The following HABP4 variants were observed in gnomAD, a reference collection of about 807,000 sequenced individuals.
HABP4 encodes hyaluronan binding protein 4.
In HABP4, 32 loss-of-function variants were observed where a neutral mutation model predicts 44.1. The observed-to-expected ratio is 0.73, with a 90% CI of 0.55 to 0.97. The LOEUF is 0.97. Ranked by LOEUF, HABP4 falls within the 50% of genes least tolerant of loss-of-function variation. The pLI is 0.00. For synonymous variants in HABP4, 216 were observed against 218.0 expected, an observed-to-expected ratio of 0.99 and a Z score of 0.08; for missense variants, 503 against 561.9, an observed-to-expected ratio of 0.90 and a Z score of 1.06.
At chr9:96,475,856 C>T (rs1587684502) in intron 5 of HABP4, among the ~76,000 whole-genome samples, 1 of 152,136 alleles carries the variant, frequency 6.6e-6, no homozygotes, top group Non-Finnish European at 1.5e-5. Context: ...TTATTGTAAT[C>T]GGTTTCCTAG....
At chr9:96,453,613 C>T (rs780009128) in intron 1 of HABP4, among the ~76,000 whole-genome samples, 2 of 152,170 alleles carry the variant, frequency 1.3e-5, no homozygotes, top group Non-Finnish European at 2.9e-5. Flanking sequence ...CATGAGAGGC[C>T]GTTTCAGTTT....
In HABP4 at chr9:96,465,378, G is replaced by A. The variant is rs1052745479; in HGVS notation, c.554G>A (p.Arg185His). The A allele has an allele frequency of 4.3e-6, 7 of 1,609,668 alleles. No homozygotes were observed. The highest frequency in any genetic ancestry group is 3.3e-5 in the South Asian group (3 of 91,010). Reference protein sequence around the residue: ...RFDRDRPLRGRGGPRGGMRGR... With the variant: ...RFDRDRPLRGHGGPRGGMRGR... ...GATCGAGACAGACCGTTGAGAGGACGTGGAGGCCCGAGAGGGGGTATGCGC... is the reference window on the plus strand; with the variant it reads ...GATCGAGACAGACCGTTGAGAGGACATGGAGGCCCGAGAGGGGGTATGCGC... The change falls in exon 3 of 8, where the codon CGT becomes CAT. Residue 185 changes from arginine (R) to histidine (H), a missense_variant. By Grantham distance (29) the Arg-to-His change is conservative. Around this residue, in one of 3 missense-constraint regions of HABP4, gnomAD observed 290 missense variants for 300.5 expected, o/e 0.97. Transcript: ENST00000375249.
chr9:96,468,555 G>A (rs562797733), intron 4 of HABP4, among the ~76,000 whole-genome samples: 5 of 151,960 alleles, frequency 3.3e-5, no homozygotes, highest in African/African-American at 1.2e-4. Flanking sequence ...CACCGTGCCC[G>A]GCCTTTTTTG....
intron 5 of HABP4, among the ~76,000 whole-genome samples, chr9:96,471,757 C>T (rs934407133): frequency 4.6e-5 from 7 of 151,842 alleles, no homozygotes; most frequent in African/African-American, 9.7e-5. Context: ...GCTTAGATAC[C>T]GGCTCCGTCT....
chr9:96,464,538 G>A (rs374606979), intron 2 of HABP4, among the ~76,000 whole-genome samples: 1 of 152,216 alleles, frequency 6.6e-6, no homozygotes, highest in African/African-American at 2.4e-5. Flanking sequence ...GGCTGCCTCT[G>A]AGAAGTGGAA....
intron 1 of HABP4, among the ~76,000 whole-genome samples, chr9:96,452,915 T>TG (rs1286694622): frequency 3.6e-5 from 5 of 140,008 alleles, no homozygotes; most frequent in Admixed American, 7.1e-5. Context: ...AAAAGGGTTT[T>TG]TTTTTTTTTT....
At chr9:96,450,118 C>T (rs570233854), upstream of HABP4, 2 of 646,894 alleles carry the variant, frequency 3.1e-6, no homozygotes, top group Non-Finnish European at 4.1e-6. This position sits in a 1 kb window ranked among gnomAD's most constrained non-coding sequence, Gnocchi z 4.8. Context: ...CGCAGCGGGG[C>T]GGACGGCGGC....
At chr9:96,467,949 C>T (rs190245625) in intron 4 of HABP4, among the ~76,000 whole-genome samples, 1 of 152,224 alleles carries the variant, frequency 6.6e-6, no homozygotes, top group South Asian at 2.1e-4. Flanking sequence ...GAGGGCCAGC[C>T]TTGGCCTTGT....
chr9:96,458,715 C>T (rs935413155), intron 2 of HABP4, among the ~76,000 whole-genome samples, 174 bp downstream of exon 2: 3 of 151,708 alleles, frequency 2.0e-5, no homozygotes, highest in South Asian at 4.2e-4. Context: ...CCTCCGCTCC[C>T]GGGTTCAAGC....
At chr9:96,471,237 G>C in intron 5 of HABP4, 143 bp downstream of exon 5, 1 of 607,204 alleles carries the variant, frequency 1.6e-6, no homozygotes. Context: ...CCACTTCCTG[G>C]GTTCAAGCGA....
rs1832398131 is a variant in HABP4, at chr9:96,456,783, ATATAT to A, written c.350-1595_350-1591del. ...TCAAAAAAAAAAAAAAAAAAAAAAT[ATATAT>A]ATATATATATATATATATATATATA... On this transcript the variant is annotated intron_variant, in intron 1 of 7. Coordinates refer to ENST00000375249, the MANE Select transcript of HABP4 (RefSeq NM_014282.4). 5.4e-3 allele frequency among the ~76,000 whole-genome samples: 225 copies of A among 41,820 alleles called. 3 individuals carry two copies. Among genetic ancestry groups the A allele is most frequent in the African/African-American group, 0.01 (100 of 9,560 alleles). The allele number at this position is 41,820 out of a possible 152,430, so 27.4% of individuals were successfully genotyped here. A position where few individuals can be genotyped will look rare whatever the true frequency, so the allele number is the denominator to read the frequency against.
intron 5 of HABP4, among the ~76,000 whole-genome samples, chr9:96,474,792 T>C (rs1285920743): frequency 6.6e-6 from 1 of 152,206 alleles, no homozygotes; most frequent in African/African-American, 2.4e-5. Flanking sequence ...AATGTTGATT[T>C]TGCACTCTGG....
chr9:96,465,633 T>C lies in HABP4; in HGVS notation c.675-77T>C, dbSNP rs1832587453. On this transcript the variant is annotated intron_variant, in intron 3 of 7. Coordinates refer to ENST00000375249, the MANE Select transcript of HABP4 (RefSeq NM_014282.4). Reference sequence around the variant, plus strand: ...TGTGAGAAGCTGATCCTGGGACTTTTATGAACCACTCTTTCTGATTTGGAG... The same window carrying C: ...TGTGAGAAGCTGATCCTGGGACTTTCATGAACCACTCTTTCTGATTTGGAG... 4.1e-6 allele frequency: 5 copies of C among 1,213,044 alleles called. No individual in the cohort carries two copies. The South Asian group carries it at 4.8e-5, about 12-fold the overall frequency. The allele number at this position is 1,213,044 out of a possible 1,614,324, so 75.1% of individuals were successfully genotyped here.
At position 96,490,327 on chromosome 9, in the gene HABP4, G is replaced by A. The variant is rs1043155322; in HGVS notation, c.*289G>A. ...ATAGAGATAGTATAGACTCCTCCGC[G>A]GAAGCATGGAGGGAAAGGAGGTTGT... On this transcript the variant is annotated 3_prime_UTR_variant, in exon 8 of 8. Transcript: ENST00000375249. The A allele has an allele frequency of 1.9e-5, 6 of 321,278 alleles. No individual in the cohort carries two copies. The highest frequency in any genetic ancestry group is 3.4e-5 in the Non-Finnish European group (6 of 175,074). 19.9% of individuals were successfully genotyped at this position (321,278 alleles called of 1,614,324 possible).
In HABP4 at chr9:96,490,140, C is replaced by T. The variant is rs1360708409; in HGVS notation, c.*102C>T. 4 of 762,474 alleles carry T rather than the reference C, an allele frequency of 5.2e-6. No homozygotes were observed. The highest frequency in any genetic ancestry group is 1.7e-5 in the African/African-American group (1 of 57,804). The allele number at this position is 762,474 out of a possible 1,614,324, so 47.2% of individuals were successfully genotyped here. A position where few individuals can be genotyped will look rare whatever the true frequency, so the allele number is the denominator to read the frequency against. ...CAGACTCTAAGAACAATAGATGTTG[C>T]TTTTCCCGTGTCATGTAAATTTGTT... On this transcript the variant is annotated 3_prime_UTR_variant, in exon 8 of 8. Coordinates refer to ENST00000375249, the MANE Select transcript of HABP4 (RefSeq NM_014282.4).
At chr9:96,484,956 A>G (rs1487765342) in intron 6 of HABP4, among the ~76,000 whole-genome samples, 1 of 152,140 alleles carries the variant, frequency 6.6e-6, no homozygotes, top group Admixed American at 6.5e-5. Context: ...GTCTTGTACA[A>G]TTCAGAGTTA....
rs370943512 is a variant in HABP4, at chr9:96,465,763, C to G, written c.728C>G (p.Ser243Trp). 7.0e-6 allele frequency: 11 copies of G among 1,575,808 alleles called. No homozygotes were observed. Among genetic ancestry groups the G allele is most frequent in the Admixed American group, 3.3e-5 (2 of 59,956 alleles). ...MGGCGVRTWG[S>W]GKDTSDVEPT... Reference sequence around the variant, plus strand: ...GGATGTGGAGTTCGAACCTGGGGATCGGGTAAAGATACCAGGTACGGTGTA... The same window carrying G: ...GGATGTGGAGTTCGAACCTGGGGATGGGGTAAAGATACCAGGTACGGTGTA... Residue 243 changes from serine to tryptophan, a missense_variant, in exon 4 of 8, where the codon TCG becomes TGG. Transcript: ENST00000375249.
chr9:96,487,052 G>A (rs1832987159), intron 6 of HABP4, among the ~76,000 whole-genome samples: 1 of 152,010 alleles, frequency 6.6e-6, no homozygotes, highest in Non-Finnish European at 1.5e-5. Flanking sequence ...CTCCTGGACT[G>A]TTTTTCTTCA....
chr9:96,450,528 C>A lies in HABP4; in HGVS notation c.249C>A (p.Ala83=), dbSNP rs981812743. The change falls in exon 1 of 8, where the codon GCC becomes GCA. Residue 83 remains alanine (A), a synonymous_variant. Transcript: ENST00000375249. This position sits in a 1 kb window ranked among gnomAD's most constrained non-coding sequence, Gnocchi z 4.8. ...RSPAGASGHR[A]GAGGRRESQK... ...CAGCCGGGGCCTCGGGCCACAGAGCCGGCGCGGGCGGCCGGAGGGAGTCGC... is the reference window on the plus strand; with the variant it reads ...CAGCCGGGGCCTCGGGCCACAGAGCAGGCGCGGGCGGCCGGAGGGAGTCGC... The A allele has an allele frequency of 1.5e-5, 19 of 1,231,622 alleles. No individual in the cohort carries two copies. Among genetic ancestry groups the A allele is most frequent in the Non-Finnish European group, 1.9e-5 (19 of 986,814 alleles). The allele number at this position is 1,231,622 out of a possible 1,614,324, so 76.3% of individuals were successfully genotyped here. A position where few individuals can be genotyped will look rare whatever the true frequency, so the allele number is the denominator to read the frequency against.
Sources: gnomAD v4.1 joint callset for allele counts (sites outside exome capture counted in the v4.1 genomes callset) on GRCh38, gnomAD v4.1.1 for gene constraint, gnomAD v4.1.1 regional missense constraint, Gnocchi (gnomAD v3.1) non-coding constraint, MANE v1.5 for transcripts, NCBI Gene and HGNC (gene_info 2026-07-23, HGNC 2026-07-21) for gene names.